Variants in VGLL4 observed in about 807,000 individuals in gnomAD.
VGLL4 encodes transcription cofactor vestigial-like protein 4.
In VGLL4, 7 loss-of-function variants were observed where a neutral mutation model predicts 21.0. That is an observed-to-expected ratio of 0.33 (90% CI 0.19 to 0.63). The LOEUF is 0.63. VGLL4 is among the 20% of genes least tolerant of loss of function. VGLL4 has a pLI of 0.78. For synonymous variants in VGLL4, 222 were observed against 173.2 expected, an observed-to-expected ratio of 1.28 and a Z score of -2.21; for missense variants, 394 against 425.7, an observed-to-expected ratio of 0.93 and a Z score of 0.66.
At chr3:11,605,697 G>A (rs2074924023) in intron 1 of VGLL4, among the ~76,000 whole-genome samples, 2 of 152,196 alleles carry the variant, frequency 1.3e-5, no homozygotes, top group East Asian at 3.9e-4. Context: ...TGTGCTCCTG[G>A]AAGCAGGTGG....
At position 11,602,057 on chromosome 3, in the gene VGLL4, G is replaced by A. The variant is rs757967368; in HGVS notation, c.83-35C>T. On this transcript the variant is annotated intron_variant, in intron 1 of 4. Transcript: ENST00000430365. Reference sequence around the variant, plus strand: ...GAGAGATGATGTAGTCACTAAGCAGGAGAAAGGCCCCCATCTCAGTCCCCC... The same window carrying A: ...GAGAGATGATGTAGTCACTAAGCAGAAGAAAGGCCCCCATCTCAGTCCCCC... The A allele has an allele frequency of 9.4e-6, 14 of 1,482,772 alleles. No homozygotes were observed. In the African/African-American group the frequency reaches 2.0e-4, roughly 22 times the overall value. 91.9% of individuals were successfully genotyped at this position (1,482,772 alleles called of 1,614,324 possible). A position where few individuals can be genotyped will look rare whatever the true frequency, so the allele number is the denominator to read the frequency against.
At chr3:11,717,629 C>CCG (rs2076937836) in intron 1 of VGLL4, among the ~76,000 whole-genome samples, 1 of 151,000 alleles carries the variant, frequency 6.6e-6, no homozygotes, top group South Asian at 2.1e-4. Flanking sequence ...AGGTGAAACA[C>CCG]CGCGCCCGGC....
Position 11,565,772 on chromosome 3 carries a change from A to G in VGLL4, c.273-753T>C, listed in dbSNP as rs1384133482. Among the ~76,000 whole-genome samples the G allele has an allele frequency of 6.6e-6, 1 of 152,110 alleles. No individual in the cohort carries two copies. Among genetic ancestry groups the G allele is most frequent in the Non-Finnish European group, 1.5e-5 (1 of 68,028 alleles). ...GAATCCAGGTGAGACAGTCAGCACCACCTCCATCTGATGTGTTAGTCTGAA... is the reference window on the plus strand; with the variant it reads ...GAATCCAGGTGAGACAGTCAGCACCGCCTCCATCTGATGTGTTAGTCTGAA... On this transcript the variant is annotated intron_variant, in intron 2 of 4. Coordinates refer to ENST00000430365, the MANE Select transcript of VGLL4 (RefSeq NM_001128219.3). The surrounding 1 kb of genome is among the most constrained non-coding windows in gnomAD (Gnocchi z 4.1).
intron 2 of VGLL4, among the ~76,000 whole-genome samples, chr3:11,566,706 C>T (rs2073548755): frequency 6.6e-6 from 1 of 152,170 alleles, no homozygotes; most frequent in Admixed American, 6.5e-5. Context: ...GCGCTGCCAA[C>T]CACAGCTGCA....
intron 1 of VGLL4, among the ~76,000 whole-genome samples, chr3:11,617,937 A>T (rs1575458806): frequency 6.6e-6 from 1 of 152,148 alleles, no homozygotes; most frequent in African/African-American, 2.4e-5. Flanking sequence ...CTGTCAGTAT[A>T]CTCATTTTCT....
chr3:11,720,498 C>T (rs1377951672), exon 1 of VGLL4: 2 of 152,396 alleles, frequency 1.3e-5, no homozygotes, highest in Non-Finnish European at 2.9e-5. Context: ...GGTTTCCTCC[C>T]ATTACAGCAT....
intron 1 of VGLL4, among the ~76,000 whole-genome samples, chr3:11,608,286 G>C (rs2074990478): frequency 6.6e-6 from 1 of 151,966 alleles, no homozygotes; most frequent in Non-Finnish European, 1.5e-5. Context: ...AATGTATTTG[G>C]CCTTTTACAT....
chr3:11,631,014 G>C (rs1026197754), intron 1 of VGLL4, among the ~76,000 whole-genome samples: 2 of 152,206 alleles, frequency 1.3e-5, no homozygotes, highest in African/African-American at 4.8e-5. Flanking sequence ...GTTTAGAAGA[G>C]ATGAGCAAAT....
intron 1 of VGLL4, among the ~76,000 whole-genome samples, chr3:11,708,029 A>C (rs200376603): frequency 6.6e-6 from 1 of 152,336 alleles, no homozygotes; most frequent in South Asian, 2.1e-4. Context: ...TGATTATTTC[A>C]GCATCAAATT....
chr3:11,573,269 AAG>A (rs1216296491), intron 2 of VGLL4, among the ~76,000 whole-genome samples: 1 of 9,644 alleles, frequency 1.0e-4, no homozygotes, highest in Admixed American at 1.7e-3. Flanking sequence ...GAAAGAAAGA[AAG>A]AAAGAAAGAA....
At chr3:11,699,128 G>A (rs767399672) in intron 2 of VGLL4, among the ~76,000 whole-genome samples, 4 of 152,198 alleles carry the variant, frequency 2.6e-5, no homozygotes, top group Non-Finnish European at 4.4e-5. Flanking sequence ...AGCTAAAATA[G>A]AATTAATGTA....
At chr3:11,707,004 T>G (rs770251602) in intron 1 of VGLL4, among the ~76,000 whole-genome samples, 1 of 152,092 alleles carries the variant, frequency 6.6e-6, no homozygotes, top group Non-Finnish European at 1.5e-5. Flanking sequence ...TGACATGATG[T>G]TCACACTATT....
At chr3:11,642,668 C>A (rs1276039866) in intron 1 of VGLL4, among the ~76,000 whole-genome samples, 1 of 152,244 alleles carries the variant, frequency 6.6e-6, no homozygotes, top group Admixed American at 6.5e-5. Flanking sequence ...AGATTTTTCT[C>A]TGACTGCTAC....
At chr3:11,649,652 G>C (rs1033357303) in intron 2 of VGLL4, among the ~76,000 whole-genome samples, 4 of 152,130 alleles carry the variant, frequency 2.6e-5, no homozygotes, top group Non-Finnish European at 4.4e-5. Flanking sequence ...CATTTCTTTA[G>C]AACTTTGGAA....
chr3:11,713,222 C>G (rs769523585), intron 1 of VGLL4, among the ~76,000 whole-genome samples: 2 of 152,184 alleles, frequency 1.3e-5, no homozygotes, highest in African/African-American at 2.4e-5. Flanking sequence ...GCTCGAACTG[C>G]TCACAACCTT....
chr3:11,573,287 GAAAGA>G (rs1559869692), intron 2 of VGLL4, among the ~76,000 whole-genome samples: 105 of 9,954 alleles, frequency 0.011, 13 homozygotes, highest in African/African-American at 0.073. Flanking sequence ...AAGAAAGAAA[GAAAGA>G]AAGAAAGAAA....
intron 1 of VGLL4, among the ~76,000 whole-genome samples, chr3:11,633,891 T>C (rs964587252): frequency 1.3e-5 from 2 of 152,148 alleles, no homozygotes; most frequent in Non-Finnish European, 1.5e-5. Context: ...GCCGGAATGA[T>C]ATTCTGGTAA....
At chr3:11,618,930 A>C (rs2075213998) in intron 1 of VGLL4, among the ~76,000 whole-genome samples, 1 of 152,150 alleles carries the variant, frequency 6.6e-6, no homozygotes. Flanking sequence ...TACATTACCC[A>C]GTGAGCAAAT....
intron 1 of VGLL4, among the ~76,000 whole-genome samples, chr3:11,609,851 T>TA (rs1420417144): frequency 6.6e-6 from 1 of 152,208 alleles, no homozygotes; most frequent in African/African-American, 2.4e-5. Context: ...AGAATGTCTT[T>TA]ATGGAGAAGG....
Sources: gnomAD v4.1 joint callset for allele counts (sites outside exome capture counted in the v4.1 genomes callset) on GRCh38, gnomAD v4.1.1 for gene constraint, Gnocchi (gnomAD v3.1) non-coding constraint, MANE v1.5 for transcripts, NCBI Gene and HGNC (gene_info 2026-07-23, HGNC 2026-07-21) for gene names.